PIK3CB: variants seen among roughly 807,000 people sequenced by gnomAD.
The protein encoded by PIK3CB is phosphatidylinositol-4,5-bisphosphate 3-kinase catalytic subunit beta.
Under a neutral mutation model 136.8 loss-of-function variants are expected in PIK3CB, and 39 were observed. That is an observed-to-expected ratio of 0.29 (90% CI 0.22 to 0.37). The LOEUF (loss-of-function observed/expected upper bound fraction) is 0.37, where lower values mean the gene tolerates loss of function less well. PIK3CB is among the 10% of genes least tolerant of loss of function. The pLI, the probability that PIK3CB is intolerant of heterozygous loss-of-function variation, is 1.00. For synonymous variants in PIK3CB, 428 were observed against 436.6 expected, an observed-to-expected ratio of 0.98 and a Z score of 0.25; for missense variants, 868 against 1,275.4, an observed-to-expected ratio of 0.68 and a Z score of 4.87.
At chr3:138,768,579 T>C (rs572925579) in intron 2 of PIK3CB, among the ~76,000 whole-genome samples, 9 of 152,268 alleles carry the variant, frequency 5.9e-5, no homozygotes, top group African/African-American at 1.2e-4. Context: ...TGGAGGCTCA[T>C]TGAGGACCCA....
intron 1 of PIK3CB, among the ~76,000 whole-genome samples, chr3:138,821,190 CAGG>C (rs1315811960): frequency 1.3e-5 from 2 of 151,674 alleles, no homozygotes; most frequent in Non-Finnish European, 2.9e-5. Context: ...GAGGCTGAGG[CAGG>C]AGATCCCTTG....
intron 1 of PIK3CB, among the ~76,000 whole-genome samples, chr3:138,810,281 G>A (rs1014258691): frequency 6.6e-6 from 1 of 151,726 alleles, no homozygotes; most frequent in Admixed American, 6.6e-5. Flanking sequence ...ATCAAGGAAA[G>A]GAACTATAAC....
intron 12 of PIK3CB, among the ~76,000 whole-genome samples, chr3:138,703,336 T>C (rs886274738): frequency 2.0e-5 from 3 of 152,208 alleles, no homozygotes; most frequent in Admixed American, 6.5e-5. Flanking sequence ...CAAAATTAAA[T>C]AGTGCTTTGA....
At chr3:138,770,940 G>A (rs2045791631) in intron 2 of PIK3CB, among the ~76,000 whole-genome samples, 1 of 151,910 alleles carries the variant, frequency 6.6e-6, no homozygotes, top group Non-Finnish European at 1.5e-5. Context: ...TTGAACTCCT[G>A]ACATCGTGAT....
In PIK3CB at chr3:138,765,872, C is replaced by T. The variant is rs1008077416; in HGVS notation, c.-16-6513G>A. Among the ~76,000 whole-genome samples, 6 of 151,438 alleles carry T rather than the reference C, an allele frequency of 4.0e-5. No individual in the cohort carries two copies. The East Asian group carries it at 5.8e-4, about 15-fold the overall frequency. ...GAAGGAAGAGTGAGACGAAGTGGGG[C>T]GAAAGAAAAAAAGTTGAAATTACTT... is the stretch of plus-strand genomic sequence containing the variant. On this transcript the variant is annotated intron_variant, in intron 2 of 23. Transcript: ENST00000674063.
chr3:138,752,222 GA>G (rs940191166), intron 4 of PIK3CB, among the ~76,000 whole-genome samples: 7 of 147,752 alleles, frequency 4.7e-5, no homozygotes, highest in Admixed American at 6.8e-5. Context: ...AATAAACACA[GA>G]AAAAAAAAAG....
chr3:138,688,368 G>C (rs549311195), intron 16 of PIK3CB, among the ~76,000 whole-genome samples: 1 of 152,062 alleles, frequency 6.6e-6, no homozygotes, highest in South Asian at 2.1e-4. Context: ...GGGCATGGTG[G>C]CGCATGCCTG....
intron 2 of PIK3CB, 113 bp from the exon 3 acceptor site, chr3:138,759,472 A>G (rs1370760653): frequency 2.3e-5 from 14 of 609,848 alleles, no homozygotes; most frequent in Admixed American, 3.2e-5. Flanking sequence ...ATAGCCAATA[A>G]TGTAACAGGA....
In PIK3CB at chr3:138,699,084, T is replaced by C. The variant is rs1439628149; in HGVS notation, c.1593A>G (p.Gly531=). ...SDSANVSSRG[G]KKFLPVLKEI... Reference sequence around the variant, plus strand: ...CTTTCAATACAGGAAGAAACTTTTTTCCACCTCGACTCTAAAAAAGTAAAA... The same window carrying C: ...CTTTCAATACAGGAAGAAACTTTTTCCCACCTCGACTCTAAAAAAGTAAAA... The change falls in exon 13 of 24, where the codon GGA becomes GGG. Residue 531 remains glycine, a synonymous_variant. Transcript: ENST00000674063. The C allele has an allele frequency of 1.3e-6, 2 of 1,561,206 alleles. No homozygotes were observed. Among genetic ancestry groups the C allele is most frequent in the Non-Finnish European group, 1.7e-6 (2 of 1,145,274 alleles).
chr3:138,714,200 T>G (rs2108582727), intron 9 of PIK3CB, among the ~76,000 whole-genome samples: 1 of 152,012 alleles, frequency 6.6e-6, no homozygotes, highest in East Asian at 1.9e-4. Context: ...ATTACATATA[T>G]AATAAAACAC....
At chr3:138,675,030 C>T (rs1159000715) in intron 19 of PIK3CB, among the ~76,000 whole-genome samples, 2 of 152,116 alleles carry the variant, frequency 1.3e-5, no homozygotes, top group Non-Finnish European at 2.9e-5. Flanking sequence ...TGCACTCCAG[C>T]CTGGGCGACA....
intron 4 of PIK3CB, among the ~76,000 whole-genome samples, chr3:138,743,657 G>C (rs2045289004): frequency 6.6e-6 from 1 of 152,034 alleles, no homozygotes; most frequent in Admixed American, 6.6e-5. Context: ...TCATCTCCTG[G>C]GCTCAAGCGA....
intron 2 of PIK3CB, among the ~76,000 whole-genome samples, chr3:138,782,061 G>A (rs2045929544): frequency 6.6e-6 from 1 of 152,152 alleles, no homozygotes; most frequent in East Asian, 1.9e-4. Context: ...AACTTTGTTA[G>A]ATGTTTTAAA....
intron 17 of PIK3CB, among the ~76,000 whole-genome samples, chr3:138,684,180 T>A (rs1332141807): frequency 1.3e-5 from 2 of 152,250 alleles, no homozygotes; most frequent in Non-Finnish European, 2.9e-5. Context: ...TGAATACTGA[T>A]AATATACTGA....
intron 2 of PIK3CB, among the ~76,000 whole-genome samples, chr3:138,789,986 G>T (rs557274860): frequency 4.6e-5 from 7 of 152,122 alleles, no homozygotes; most frequent in Non-Finnish European, 1.0e-4. Context: ...ACCAGGCCCA[G>T]CCTATTCAGC....
intron 1 of PIK3CB, among the ~76,000 whole-genome samples, chr3:138,817,412 A>C (rs1041642003): frequency 1.3e-5 from 2 of 152,164 alleles, no homozygotes; most frequent in Admixed American, 1.3e-4. Flanking sequence ...GCTACTTGGG[A>C]GGCTGAGGCA....
At chr3:138,695,931 A>ATTTTTTTTTTTTTTTTTTTTTTTTTTTT (rs34470924) in intron 13 of PIK3CB, among the ~76,000 whole-genome samples, 1 of 90,838 alleles carries the variant, frequency 1.1e-5, no homozygotes, top group Non-Finnish European at 2.0e-5. Context: ...AATTTTTTGT[A>ATTTTTTTTTTTTTTTTTTTTTTTTTTTT]TTTTTTTTTT....
intron 23 of PIK3CB, 135 bp downstream of exon 23, chr3:138,656,007 T>C (rs2043185485): frequency 2.3e-6 from 2 of 857,620 alleles, no homozygotes; most frequent in South Asian, 1.8e-5. Context: ...TCCCAGATTC[T>C]TTCCCTCCTG....
At chr3:138,719,235 A>ATTTTTTT (rs34980826) in intron 8 of PIK3CB, among the ~76,000 whole-genome samples, 1 of 69,558 alleles carries the variant, frequency 1.4e-5, no homozygotes, top group Non-Finnish European at 2.5e-5. Context: ...TTAGCTCAGT[A>ATTTTTTT]TTTTTTTTTT....
Sources: gnomAD v4.1 joint callset for allele counts (sites outside exome capture counted in the v4.1 genomes callset) on GRCh38, gnomAD v4.1.1 for gene constraint, MANE v1.5 for transcripts, NCBI Gene and HGNC (gene_info 2026-07-23, HGNC 2026-07-21) for gene names.